Variants in RHBG observed in about 807,000 individuals in gnomAD.
The protein encoded by RHBG is Rh family B glycoprotein.
In RHBG, 39 loss-of-function variants were observed where a neutral mutation model predicts 40.1. The observed-to-expected ratio is 0.97, with a 90% confidence interval of 0.75 to 1.27. The LOEUF (loss-of-function observed/expected upper bound fraction) is 1.27, where lower values mean the gene tolerates loss of function less well. Ranked by LOEUF, RHBG falls within the 50% of genes most tolerant of loss-of-function variation. The probability of loss-of-function intolerance (pLI) is 0.00; values close to 1 mark genes in which losing one functional copy is unlikely to be tolerated. For missense variants in RHBG, 549 were observed against 588.1 expected (o/e 0.93, Z 0.69); for synonymous variants, 237 against 252.5 (o/e 0.94, Z 0.58).
Position 156,378,064 on chromosome 1 carries a change from C to T in RHBG, c.449C>T (p.Thr150Ile), listed in dbSNP as rs1288750429. 3 of 1,606,748 alleles carry T rather than the reference C, an allele frequency of 1.9e-6. No individual in the cohort carries two copies. The highest frequency in any genetic ancestry group is 1.1e-5 in the South Asian group (1 of 89,724). ...FGAVLGKTGPTQLLLMALLEV... is the reference protein window; with the variant it reads ...FGAVLGKTGPIQLLLMALLEV... ...GCCGTCCTGGGCAAGACCGGGCCTA[C>T]CCAGCTGCTGCTCATGGCCCTGCTG... Residue 150 changes from threonine to isoleucine, a missense_variant, in exon 3 of 10, where the codon ACC (threonine) becomes ATC (isoleucine). By Grantham distance (89) the Thr-to-Ile change is moderately conservative. Transcript: ENST00000537040.
At chr1:156,382,253 C>G in intron 7 of RHBG, 52 bp downstream of exon 7, 1 of 1,602,980 alleles carries the variant, frequency 6.2e-7, no homozygotes, top group South Asian at 1.1e-5. Context: ...GGAATGACCT[C>G]TGTCATTCTC....
intron 7 of RHBG, chr1:156,382,440 T>C (rs1038049608): frequency 6.3e-6 from 4 of 635,962 alleles, no homozygotes; most frequent in East Asian, 2.8e-5. Context: ...TACTGAAGGG[T>C]CAGTAAGAGA....
chr1:156,376,509 GCGT>G (rs1247112395), intron 1 of RHBG, among the ~76,000 whole-genome samples: 1 of 152,024 alleles, frequency 6.6e-6, no homozygotes, highest in East Asian at 1.9e-4. Context: ...CATTACAGGT[GCGT>G]GCCACCATGC....
In RHBG at chr1:156,369,300, G is replaced by A; in HGVS notation, c.51G>A (p.Leu17=). The stretch of plus-strand genomic sequence containing the variant: ...CGGGCCGGCGACTGCAGCTTCCCCT[G>A]CTGTGCCTCTTCCTCCAGGGCGCCA... ...RAAGRRLQLP[L]LCLFLQGATA... Residue 17 remains leucine, a synonymous_variant, in exon 1 of 10, where the codon CTG becomes CTA. Coordinates refer to ENST00000537040, the MANE Select transcript of RHBG (RefSeq NM_020407.5). The A allele has an allele frequency of 3.7e-6, 6 of 1,614,120 alleles. No individual in the cohort carries two copies. Among genetic ancestry groups the A allele is most frequent in the Non-Finnish European group, 5.1e-6 (6 of 1,180,030 alleles).
In RHBG at chr1:156,381,815, C is replaced by T. The variant is rs1667658525; in HGVS notation, c.850C>T (p.Gln284Ter). The change falls in exon 6 of 10, where the codon CAA (glutamine) becomes TAA (stop). Residue 284 changes from glutamine to a stop codon, truncating the protein, a stop_gained. Coordinates refer to ENST00000537040, the MANE Select transcript of RHBG (RefSeq NM_020407.5). LOFTEE classifies it high-confidence loss of function. ...CTTGCTCTTCCCTTAGGTCCACATC[C>T]AAAATGCAGCGCTGGCTGGAGGGGT... ...EDGRLDMVHI[Q>*]NAALAGGVVV... is the part of the protein sequence containing the mutation. 3 of 1,583,510 alleles carry T rather than the reference C, an allele frequency of 1.9e-6. No homozygotes were observed. The South Asian group carries it at 3.5e-5, about 18-fold the overall frequency.
chr1:156,381,617 C>T, intron 5 of RHBG, 104 bp downstream of exon 5: 1 of 1,435,166 alleles, frequency 7.0e-7, no homozygotes, highest in East Asian at 2.3e-5. Flanking sequence ...GATAAGGGCA[C>T]AGGCATAGGG....
chr1:156,371,402 C>A lies in RHBG; in HGVS notation c.187+1966C>A, dbSNP rs561370418. 76 of 301,614 alleles carry A rather than the reference C, an allele frequency of 2.5e-4. 1 individual carries two copies. The East Asian group carries it at 6.6e-3, about 26-fold the overall frequency. The allele number at this position is 301,614 out of a possible 1,614,324, so 18.7% of individuals were successfully genotyped here. A position where few individuals can be genotyped will look rare whatever the true frequency, so the allele number is the denominator to read the frequency against. Reference sequence around the variant, plus strand: ...CTTGAATTCCTGACCTCAGGTGATCCACCCACCTCGGCCTCCCAATGTGCT... The same window carrying A: ...CTTGAATTCCTGACCTCAGGTGATCAACCCACCTCGGCCTCCCAATGTGCT... On this transcript the variant is annotated intron_variant, in intron 1 of 9. Coordinates refer to ENST00000537040, the MANE Select transcript of RHBG (RefSeq NM_020407.5).
rs1310079188 is a variant in RHBG at position 156,377,843 on chromosome 1, G to A, written c.375-147G>A. The A allele has an allele frequency of 2.5e-6, 2 of 808,518 alleles. No individual in the cohort carries two copies. Among genetic ancestry groups the A allele is most frequent in the Non-Finnish European group, 3.7e-6 (2 of 534,544 alleles). The allele number at this position is 808,518 out of a possible 1,614,324, so 50.1% of individuals were successfully genotyped here. On this transcript the variant is annotated intron_variant, in intron 2 of 9. Coordinates refer to ENST00000537040, the MANE Select transcript of RHBG (RefSeq NM_020407.5). The surrounding 1 kb of genome is among the most constrained non-coding windows in gnomAD (Gnocchi z 4.6). ...GCCAGGTGATCCCTTCCAACTCCAG[G>A]GAGGAGCTTGAGCTCCTTGTCTTCT...
chr1:156,372,432 C>A (rs1570986562), intron 1 of RHBG, among the ~76,000 whole-genome samples: 1 of 152,230 alleles, frequency 6.6e-6, no homozygotes, highest in African/African-American at 2.4e-5. Context: ...GCCACAGAAG[C>A]AAACATGAGA....
chr1:156,379,771 G>C (rs1392543918), intron 4 of RHBG, among the ~76,000 whole-genome samples: 3 of 152,140 alleles, frequency 2.0e-5, no homozygotes, highest in Non-Finnish European at 2.9e-5. Context: ...AGACTACTCA[G>C]GACACGGTGG....
intron 1 of RHBG, among the ~76,000 whole-genome samples, chr1:156,370,633 A>G (rs75307368): frequency 1.7e-4 from 26 of 150,616 alleles, no homozygotes; most frequent in Admixed American, 1.6e-3. Context: ...AAAAAAAAAA[A>G]AAAAAAAGAA....
At chr1:156,376,463 A>G (rs1264925861) in intron 1 of RHBG, among the ~76,000 whole-genome samples, 1 of 150,994 alleles carries the variant, frequency 6.6e-6, no homozygotes, top group Non-Finnish European at 1.5e-5. Flanking sequence ...TCCTGGGTTC[A>G]GGCAATTTTT....
chr1:156,372,673 C>T (rs1205139570), intron 1 of RHBG, among the ~76,000 whole-genome samples: 1 of 152,120 alleles, frequency 6.6e-6, no homozygotes, highest in Admixed American at 6.6e-5. Flanking sequence ...GGGAGATGGC[C>T]CCCTCAGCTC....
intron 1 of RHBG, among the ~76,000 whole-genome samples, chr1:156,374,169 T>A (rs977687322): frequency 3.3e-5 from 5 of 152,130 alleles, no homozygotes; most frequent in Non-Finnish European, 5.9e-5. Context: ...TATTGCGAAC[T>A]GTGCATGTGA....
At chr1:156,370,427 T>A (rs1456556825) in intron 1 of RHBG, among the ~76,000 whole-genome samples, 2 of 139,962 alleles carry the variant, frequency 1.4e-5, no homozygotes, top group African/African-American at 5.5e-5. Context: ...TCAGCATGGG[T>A]GACAGAGCGA....
At chr1:156,380,725 CAAAAA>C (rs564713959) in intron 4 of RHBG, among the ~76,000 whole-genome samples, 7 of 81,980 alleles carry the variant, frequency 8.5e-5, no homozygotes, top group Admixed American at 1.4e-4. Context: ...GACCTTGTCT[CAAAAA>C]AAAAAAAAAA....
chr1:156,380,456 C>T (rs1409362481), intron 4 of RHBG, among the ~76,000 whole-genome samples: 1 of 151,932 alleles, frequency 6.6e-6, no homozygotes, highest in Non-Finnish European at 1.5e-5. Flanking sequence ...GATGCAGTGG[C>T]TCACACCTGT....
intron 8 of RHBG, 26 bp from the exon 9 acceptor site, chr1:156,384,501 C>T (rs1474198926): frequency 6.2e-7 from 1 of 1,610,272 alleles, no homozygotes; most frequent in South Asian, 1.1e-5. Context: ...AGAGAAGCCT[C>T]ACAGATCCTC....
chr1:156,381,897 G>A lies in RHBG; in HGVS notation c.932G>A (p.Gly311Asp). The part of the protein sequence containing the change: ...MLTPFGALAA[G>D]FLAGTVSTLG... ...ACACCCTTTGGGGCTCTGGCAGCTG[G>A]CTTCTTGGCTGGGACTGTCTCCACG... Residue 311 changes from glycine to aspartate, a missense_variant, in exon 6 of 10, where the codon GGC becomes GAC. By Grantham distance (94) the Gly-to-Asp change is moderately conservative. This residue lies in a region of RHBG where 399 missense variants were observed against 417.0 expected (regional missense o/e 0.96). Coordinates refer to ENST00000537040, the MANE Select transcript of RHBG (RefSeq NM_020407.5). The A allele has an allele frequency of 2.5e-6, 4 of 1,608,678 alleles. No individual in the cohort carries two copies. Among genetic ancestry groups the A allele is most frequent in the Non-Finnish European group, 3.4e-6 (4 of 1,178,878 alleles).
Sources: gnomAD v4.1 joint callset for allele counts (sites outside exome capture counted in the v4.1 genomes callset) on GRCh38, gnomAD v4.1.1 for gene constraint, gnomAD v4.1.1 regional missense constraint, Gnocchi (gnomAD v3.1) non-coding constraint, MANE v1.5 for transcripts, NCBI Gene and HGNC (gene_info 2026-07-23, HGNC 2026-07-21) for gene names.